The following WWOX variants were observed in gnomAD, a reference collection of about 807,000 sequenced individuals.
The protein encoded by WWOX is WW domain containing oxidoreductase.
A neutral mutation model predicts 46.2 loss-of-function variants in WWOX; 69 were observed. That is an observed-to-expected ratio of 1.49 (90% CI 1.23 to 1.82). The LOEUF is 1.82. Ranked by LOEUF, WWOX falls within the 40% of genes most tolerant of loss-of-function variation. The pLI is 0.00. For synonymous variants in WWOX, 359 were observed against 202.6 expected (o/e 1.77, Z -6.56); for missense variants, 919 against 542.6 (o/e 1.69, Z -6.89).
intron 8 of WWOX, among the ~76,000 whole-genome samples, chr16:79,162,429 C>G (rs571303734): frequency 6.6e-6 from 1 of 152,306 alleles, no homozygotes; most frequent in South Asian, 2.1e-4. Context: ...GGGGCTTCTT[C>G]TGGATTCCGT....
At chr16:78,432,784 C>T (rs748322929) in intron 8 of WWOX, 32 bp downstream of exon 8, 5 of 1,613,794 alleles carry the variant, frequency 3.1e-6, no homozygotes, top group East Asian at 4.5e-5. Flanking sequence ...CCGCAAACAC[C>T]TTGGGTCCTA....
chr16:79,137,508 A>G (rs1232921448), intron 8 of WWOX, among the ~76,000 whole-genome samples: 1 of 152,110 alleles, frequency 6.6e-6, no homozygotes, highest in Non-Finnish European at 1.5e-5. Flanking sequence ...TCTCACTTGG[A>G]GTGACATGTT....
At chr16:79,135,914 A>T (rs1035552719) in intron 8 of WWOX, among the ~76,000 whole-genome samples, 5 of 152,080 alleles carry the variant, frequency 3.3e-5, no homozygotes, top group Non-Finnish European at 5.9e-5. Context: ...GATTGCTCTC[A>T]TTTACTGGTG....
chr16:79,169,212 G>C (rs1291863831), intron 8 of WWOX, among the ~76,000 whole-genome samples: 1 of 152,186 alleles, frequency 6.6e-6, no homozygotes, highest in Admixed American at 6.5e-5. Flanking sequence ...TTCAGAGACA[G>C]GGGCATTTGG....
At chr16:78,847,062 C>G (rs1191010100) in intron 8 of WWOX, among the ~76,000 whole-genome samples, 1 of 152,206 alleles carries the variant, frequency 6.6e-6, no homozygotes, top group African/African-American at 2.4e-5. Context: ...CTTTTTTGAG[C>G]ACTTTCTTAT....
intron 8 of WWOX, among the ~76,000 whole-genome samples, chr16:78,933,087 T>G (rs1441884391): frequency 1.3e-5 from 2 of 152,150 alleles, no homozygotes; most frequent in Non-Finnish European, 2.9e-5. Context: ...ATCGAAAGCA[T>G]CAGTTGCTAC....
At chr16:78,313,705 T>G (rs527934332) in intron 5 of WWOX, among the ~76,000 whole-genome samples, 1 of 152,064 alleles carries the variant, frequency 6.6e-6, no homozygotes, top group Non-Finnish European at 1.5e-5. Flanking sequence ...TGCTTTCTTC[T>G]CTGTCGATGT....
intron 8 of WWOX, among the ~76,000 whole-genome samples, chr16:78,643,142 C>T (rs1197482153): frequency 6.6e-6 from 1 of 152,158 alleles, no homozygotes; most frequent in African/African-American, 2.4e-5. Context: ...GCTATCCAGA[C>T]CCAAGAGGAT....
chr16:78,522,740 G>A (rs1398950272), intron 8 of WWOX, among the ~76,000 whole-genome samples: 1 of 152,192 alleles, frequency 6.6e-6, no homozygotes, highest in Non-Finnish European at 1.5e-5. Flanking sequence ...ATGAGACTTG[G>A]GATGATAAAG....
intron 8 of WWOX, among the ~76,000 whole-genome samples, chr16:78,842,055 G>T (rs1241340457): frequency 6.6e-6 from 1 of 152,166 alleles, no homozygotes; most frequent in East Asian, 1.9e-4. Flanking sequence ...AAGGGGACCA[G>T]GAGGATCTGA....
At chr16:78,408,037 A>T (rs72796099) in intron 6 of WWOX, among the ~76,000 whole-genome samples, 2 of 152,130 alleles carry the variant, frequency 1.3e-5, no homozygotes, top group African/African-American at 2.4e-5. Flanking sequence ...GGGTACTTAA[A>T]GTCCAGGTGA....
At chr16:79,000,391 A>G (rs942389279) in intron 8 of WWOX, among the ~76,000 whole-genome samples, 19 of 152,296 alleles carry the variant, frequency 1.2e-4, no homozygotes, top group Admixed American at 6.5e-5. Context: ...GATGGAGTTA[A>G]GGTTGCTATT....
chr16:78,922,320 A>C (rs995501195), intron 8 of WWOX, among the ~76,000 whole-genome samples: 4 of 152,024 alleles, frequency 2.6e-5, no homozygotes, highest in Non-Finnish European at 5.9e-5. Flanking sequence ...GTATGATCAG[A>C]GGTGCCCAAG....
intron 4 of WWOX, among the ~76,000 whole-genome samples, chr16:78,159,948 C>G (rs936428020): frequency 3.3e-5 from 5 of 151,576 alleles, no homozygotes; most frequent in Non-Finnish European, 5.9e-5. Context: ...CTCTTTCTGT[C>G]TCTGTCTCTC....
intron 8 of WWOX, among the ~76,000 whole-genome samples, chr16:78,881,508 T>C (rs1175876802): frequency 6.6e-6 from 1 of 152,174 alleles, no homozygotes; most frequent in African/African-American, 2.4e-5. Flanking sequence ...ACAAACAATT[T>C]CGGAGGGCCA....
intron 8 of WWOX, among the ~76,000 whole-genome samples, chr16:78,598,975 A>G (rs2045558246): frequency 6.6e-6 from 1 of 152,198 alleles, no homozygotes; most frequent in Non-Finnish European, 1.5e-5. Context: ...CACTTAGGCA[A>G]CCAGTAAGTG....
At chr16:78,981,479 CCAGGCTGG>C (rs2046681301) in intron 8 of WWOX, among the ~76,000 whole-genome samples, 2 of 151,498 alleles carry the variant, frequency 1.3e-5, no homozygotes, top group African/African-American at 4.9e-5. Flanking sequence ...GCTCTGTCAT[CCAGGCTGG>C]CATGCAGTGG....
intron 5 of WWOX, among the ~76,000 whole-genome samples, chr16:78,238,709 T>G (rs112419275): frequency 0.096 from 14,565 of 151,956 alleles, 945 homozygotes; most frequent in Non-Finnish European, 0.14. Context: ...GATCTCTACC[T>G]CCCAGGTTCA....
At chr16:79,111,438 C>T (rs1170105513) in intron 8 of WWOX, among the ~76,000 whole-genome samples, 1 of 152,082 alleles carries the variant, frequency 6.6e-6, no homozygotes, top group Non-Finnish European at 1.5e-5. Context: ...ACACTGTTTT[C>T]TGTATTGTTT....
Sources: allele counts gnomAD v4.1 joint callset (sites outside exome capture counted in the v4.1 genomes callset), GRCh38; gene constraint gnomAD v4.1.1; transcripts MANE v1.5; gene names NCBI Gene and HGNC (gene_info 2026-07-23, HGNC 2026-07-21).